The following TRRAP variants were observed in gnomAD, a reference collection of about 807,000 sequenced individuals.
The protein encoded by TRRAP is transformation/transcription domain-associated protein.
TRRAP carries 41 observed loss-of-function variants against 438.8 expected under a neutral mutation model. That is an observed-to-expected ratio of 0.09 (90% CI 0.07 to 0.12). TRRAP has a LOEUF of 0.12. Among genes scored for constraint, TRRAP ranks in the 10% least tolerant of loss-of-function variants. TRRAP has a pLI of 1.00. For synonymous variants in TRRAP, 1,994 were observed against 1,962.9 expected (o/e 1.02, Z -0.42); for missense variants, 3,122 against 5,055.1 (o/e 0.62, Z 11.60).
At position 98,976,279 on chromosome 7, in the gene TRRAP, C is replaced by A; in HGVS notation, c.7959+11C>A. The stretch of plus-strand genomic sequence containing the variant: ...GACAGACAGCAGCATGTGAGTGTAT[C>A]TTTAAAATCCTGTTTTGGAAAATTG... On this transcript the variant is annotated intron_variant, in intron 54 of 72. Coordinates refer to ENST00000456197, the MANE Select transcript of TRRAP (RefSeq NM_001375524.1). This position sits in a 1 kb window ranked among gnomAD's most constrained non-coding sequence, Gnocchi z 4.6. 1 of 1,613,120 alleles carries A rather than the reference C, an allele frequency of 6.2e-7. No individual in the cohort carries two copies. The highest frequency in any genetic ancestry group is 1.3e-5 in the African/African-American group (1 of 75,010).
At chr7:98,961,624 G>A in intron 46 of TRRAP, 150 bp downstream of exon 46, 1 of 1,014,580 alleles carries the variant, frequency 9.9e-7, no homozygotes, top group Non-Finnish European at 1.4e-6. Flanking sequence ...AAACTGACAT[G>A]GAAACATAGA....
Position 98,976,642 on chromosome 7 carries a change from C to T in TRRAP, c.8119C>T (p.His2707Tyr), listed in dbSNP as rs1792672838. The T allele has an allele frequency of 1.2e-6, 2 of 1,614,206 alleles. No individual in the cohort carries two copies. Among genetic ancestry groups the T allele is most frequent in the Non-Finnish European group, 1.7e-6 (2 of 1,180,048 alleles). Reference protein sequence around the residue: ...PCVLKYLGKTHNLWFRSTLML... With the variant: ...PCVLKYLGKTYNLWFRSTLML... Reference sequence around the variant, plus strand: ...CGTCCTGAAGTACCTGGGGAAGACACACAACCTCTGGTTCCGGTCCACGCT... The same window carrying T: ...CGTCCTGAAGTACCTGGGGAAGACATACAACCTCTGGTTCCGGTCCACGCT... The change falls in exon 55 of 73, where the codon CAC (histidine) becomes TAC (tyrosine). Residue 2707 changes from histidine to tyrosine, a missense_variant. Physicochemically the swap from His to Tyr is moderately conservative, Grantham distance 83. This residue lies in a region of TRRAP where 992 missense variants were observed against 1,281.2 expected (regional missense o/e 0.77). Coordinates refer to ENST00000456197, the MANE Select transcript of TRRAP (RefSeq NM_001375524.1). The surrounding 1 kb of genome is among the most constrained non-coding windows in gnomAD (Gnocchi z 4.6).
intron 18 of TRRAP, among the ~76,000 whole-genome samples, chr7:98,913,670 TC>T (rs1350095000): frequency 2.0e-5 from 3 of 152,190 alleles, no homozygotes; most frequent in South Asian, 2.1e-4. Flanking sequence ...TCTTTCTTTT[TC>T]CCCTTTAAAT....
chr7:98,932,623 C>T (rs1446689847), intron 26 of TRRAP, among the ~76,000 whole-genome samples: 3 of 152,040 alleles, frequency 2.0e-5, no homozygotes, highest in Middle Eastern at 3.2e-3. Flanking sequence ...GGATTACAGG[C>T]GTGAGCCACC....
rs756815417 is a variant in TRRAP at position 99,012,053 on chromosome 7, G to C, written c.11338-18G>C. On this transcript the variant is annotated intron_variant, in intron 72 of 72. Transcript: ENST00000456197. This position sits in a 1 kb window ranked among gnomAD's most constrained non-coding sequence, Gnocchi z 5.9. ...TTCTTGGTTAAACACAAGTCGTCTC[G>C]TTCTCTCCCTCACGCAGGTGGATGG... The C allele has an allele frequency of 6.2e-6, 10 of 1,610,786 alleles. No individual in the cohort carries two copies. The South Asian group carries it at 1.1e-4, about 18-fold the overall frequency.
chr7:98,967,592 T>G lies in TRRAP; in HGVS notation c.7406T>G (p.Phe2469Cys), dbSNP rs1192359572. ...ATCAGGGCAAAGTTTTTCGAGGTTT[T>G]TGACAACTCCATGAAACGTCGTGTC... ...PLIRAKFFEV[F>C]DNSMKRRVYE... Residue 2469 changes from phenylalanine (F) to cysteine (C), a missense_variant, in exon 51 of 73, where the codon TTT (phenylalanine) becomes TGT (cysteine). Transcript: ENST00000456197. 1 of 1,614,038 alleles carries G rather than the reference T, an allele frequency of 6.2e-7. No individual in the cohort carries two copies. The highest frequency in any genetic ancestry group is 1.3e-5 in the African/African-American group (1 of 74,918).
intron 26 of TRRAP, 50 bp downstream of exon 26, chr7:98,931,715 C>G (rs782345134): frequency 1.3e-6 from 2 of 1,583,538 alleles, no homozygotes; most frequent in South Asian, 2.3e-5. Context: ...AACTTTTGAG[C>G]CTTTTTTTTA....
At chr7:98,963,818 C>T (rs781557977) in intron 47 of TRRAP, among the ~76,000 whole-genome samples, 4 of 152,108 alleles carry the variant, frequency 2.6e-5, no homozygotes, top group Non-Finnish European at 5.9e-5. Context: ...CAGTAACTCA[C>T]GCCTATAATC....
rs764087337 is a variant in TRRAP, at chr7:98,977,036, C to T, written c.8345C>T (p.Ala2782Val). ...WQKRCKYSETATAIAYEQHGF... is the reference protein window; with the variant it reads ...WQKRCKYSETVTAIAYEQHGF... The stretch of plus-strand genomic sequence containing the variant: ...AAGCGGTGCAAGTACTCGGAGACAG[C>T]GACTGCGATTGCTTACGAGCAGCAC... Residue 2782 changes from alanine (A) to valine (V), a missense_variant, in exon 56 of 73, where the codon GCG becomes GTG. This residue lies in a region of TRRAP where 992 missense variants were observed against 1,281.2 expected (regional missense o/e 0.77). Coordinates refer to ENST00000456197, the MANE Select transcript of TRRAP (RefSeq NM_001375524.1). 9.3e-6 allele frequency: 15 copies of T among 1,614,086 alleles called. No individual in the cohort carries two copies. The East Asian group carries it at 1.6e-4, about 17-fold the overall frequency.
At chr7:98,952,053 A>G (rs1200379591) in intron 39 of TRRAP, among the ~76,000 whole-genome samples, 2 of 152,190 alleles carry the variant, frequency 1.3e-5, no homozygotes, top group African/African-American at 4.8e-5. Context: ...TGGGGAAGAG[A>G]GGACCTTGGG....
intron 60 of TRRAP, 61 bp from the exon 61 acceptor site, chr7:98,984,032 G>T: frequency 6.7e-7 from 1 of 1,500,854 alleles, no homozygotes; most frequent in Non-Finnish European, 8.9e-7. Flanking sequence ...TTTAAGCCTT[G>T]TTGTGAAGTG....
Position 98,953,271 on chromosome 7 carries a change from C to T in TRRAP, c.5568C>T (p.Asp1856=). ...LVEHAPHHIH[D]NNKNRNSKLR... ...AGCACGCCCCCCACCACATCCATGA[C>T]AACAACAAGAACCGCAACAGCAAGC... Residue 1856 remains aspartate (D), a synonymous_variant, in exon 40 of 73, where the codon GAC becomes GAT. Coordinates refer to ENST00000456197, the MANE Select transcript of TRRAP (RefSeq NM_001375524.1). 1 of 1,613,902 alleles carries T rather than the reference C, an allele frequency of 6.2e-7. No homozygotes were observed. Among genetic ancestry groups the T allele is most frequent in the Non-Finnish European group, 8.5e-7 (1 of 1,180,026 alleles).
rs2116607773 is a variant in TRRAP, at chr7:98,949,320, AT to A, written c.4789-92del. ...AGCCTTCTTTGAGAGATTTAGAAAG[AT>A]TTTTAAAAGATTTAGAAAGATTTAA... On this transcript the variant is annotated intron_variant, in intron 35 of 72. Coordinates refer to ENST00000456197, the MANE Select transcript of TRRAP (RefSeq NM_001375524.1). 2.3e-6 allele frequency: 3 copies of A among 1,317,604 alleles called. No homozygotes were observed. In the East Asian group the frequency reaches 8.4e-5, roughly 37 times the overall value. The allele number at this position is 1,317,604 out of a possible 1,614,324, so 81.6% of individuals were successfully genotyped here. A position where few individuals can be genotyped will look rare whatever the true frequency, so the allele number is the denominator to read the frequency against.
chr7:98,919,934 G>GC (rs1789704842), intron 20 of TRRAP, among the ~76,000 whole-genome samples: 2 of 152,342 alleles, frequency 1.3e-5, no homozygotes, highest in Admixed American at 1.3e-4. Context: ...AGGAGGGCAT[G>GC]CTTGTTCCCA....
intron 70 of TRRAP, among the ~76,000 whole-genome samples, 159 bp from the exon 71 acceptor site, chr7:99,010,893 G>A (rs1794398146): frequency 2.0e-5 from 3 of 152,130 alleles, no homozygotes; most frequent in Admixed American, 1.3e-4. Context: ...GTGCCTCCTC[G>A]CCTTCAGTCT....
chr7:98,990,646 A>G (rs751081091), intron 64 of TRRAP, 27 bp downstream of exon 64: 1 of 1,590,502 alleles, frequency 6.3e-7, no homozygotes, highest in East Asian at 2.3e-5. Context: ...GGCCTTGTTC[A>G]CGTGCACAAA....
chr7:98,888,649 T>C (rs1466587875), intron 3 of TRRAP, among the ~76,000 whole-genome samples: 1 of 152,246 alleles, frequency 6.6e-6, no homozygotes, highest in Admixed American at 6.5e-5. Flanking sequence ...TGCCTTTGCA[T>C]GTGCTTTTCT....
chr7:98,992,106 G>A, intron 64 of TRRAP, 31 bp from the exon 65 acceptor site: 1 of 1,606,598 alleles, frequency 6.2e-7, no homozygotes, highest in Non-Finnish European at 8.5e-7. Context: ...GCAGAGAGCA[G>A]CACTGTTTAT....
intron 8 of TRRAP, among the ~76,000 whole-genome samples, chr7:98,898,364 T>C (rs1359683495): frequency 2.0e-5 from 3 of 152,230 alleles, no homozygotes; most frequent in African/African-American, 7.2e-5. Flanking sequence ...GTGAAGGTAA[T>C]GCTGGCATGG....
Sources: gnomAD v4.1 joint callset for allele counts (sites outside exome capture counted in the v4.1 genomes callset) on GRCh38, gnomAD v4.1.1 for gene constraint, gnomAD v4.1.1 regional missense constraint, Gnocchi (gnomAD v3.1) non-coding constraint, MANE v1.5 for transcripts, NCBI Gene and HGNC (gene_info 2026-07-23, HGNC 2026-07-21) for gene names.